Variants in PRIM2 observed in about 807,000 individuals in gnomAD.
PRIM2 encodes the protein DNA primase subunit 2, also known as DNA primase large subunit.
A neutral mutation model predicts 67.3 loss-of-function variants in PRIM2; 39 were observed. That is an observed-to-expected ratio of 0.58 (90% confidence interval 0.45 to 0.76). The LOEUF is 0.76. Among genes scored for constraint, PRIM2 ranks in the 30% least tolerant of loss-of-function variants. The pLI is 0.00. For missense variants in PRIM2, 398 were observed against 598.7 expected, an observed-to-expected ratio of 0.66 and a Z score of 3.50; for synonymous variants, 143 against 198.7, an observed-to-expected ratio of 0.72 and a Z score of 2.36.
intron 10 of PRIM2, among the ~76,000 whole-genome samples, chr6:57,569,158 C>T (rs1453018779): frequency 6.6e-6 from 1 of 152,156 alleles, no homozygotes; most frequent in African/African-American, 2.4e-5. Flanking sequence ...CTTATGCTCT[C>T]ATTTTTATAT....
intron 5 of PRIM2, among the ~76,000 whole-genome samples, chr6:57,338,318 A>G (rs919813587): frequency 8.4e-4 from 128 of 152,336 alleles, no homozygotes; most frequent in African/African-American, 3.0e-3. Flanking sequence ...AAACTAGTCC[A>G]ATGAATAGAA....
intron 8 of PRIM2, among the ~76,000 whole-genome samples, chr6:57,519,447 T>C (rs1230178236): frequency 2.0e-5 from 3 of 152,240 alleles, no homozygotes; most frequent in Non-Finnish European, 4.4e-5. Flanking sequence ...ATTCTCTTTC[T>C]CAGGGATGTT....
chr6:57,337,002 A>G (rs1430718065), intron 5 of PRIM2, among the ~76,000 whole-genome samples: 2 of 152,128 alleles, frequency 1.3e-5, no homozygotes, highest in East Asian at 1.9e-4. Flanking sequence ...TCAAAATAAA[A>G]GGATGGAGGA....
At chr6:57,251,215 T>G in the PRIM2 span, among the ~76,000 whole-genome samples, 1 of 152,228 alleles carries the variant, frequency 6.6e-6, no homozygotes, top group African/African-American at 2.4e-5. Context: ...ACAGATCATA[T>G]AGACAAGATT....
chr6:57,259,988 T>G, the PRIM2 span, among the ~76,000 whole-genome samples: 18 of 152,330 alleles, frequency 1.2e-4, no homozygotes, highest in Non-Finnish European at 2.6e-4. Flanking sequence ...AGGCCTGGGT[T>G]GCAATTAAAT....
chr6:57,297,781 C>G, the PRIM2 span, among the ~76,000 whole-genome samples: 2 of 152,142 alleles, frequency 1.3e-5, no homozygotes, highest in Non-Finnish European at 2.9e-5. Flanking sequence ...CAAAAATGCA[C>G]AGTCTGAATT....
At chr6:57,351,212 A>G (rs565195256) in intron 5 of PRIM2, among the ~76,000 whole-genome samples, 2 of 152,042 alleles carry the variant, frequency 1.3e-5, no homozygotes, top group African/African-American at 2.4e-5. Flanking sequence ...TGGAAAGTTT[A>G]TCTTATACAC....
chr6:57,322,456 A>T (rs1767692643), intron 3 of PRIM2, among the ~76,000 whole-genome samples: 1 of 152,148 alleles, frequency 6.6e-6, no homozygotes, highest in Non-Finnish European at 1.5e-5. Flanking sequence ...TAATTGAATC[A>T]TGGGGGTGGT....
intron 10 of PRIM2, among the ~76,000 whole-genome samples, chr6:57,593,404 G>A (rs1350999184): frequency 1.3e-5 from 2 of 151,944 alleles, no homozygotes; most frequent in African/African-American, 4.8e-5. Flanking sequence ...CCGGGTTCAA[G>A]TGACTCTCTT....
chr6:57,362,750 G>A (rs1306289923), intron 5 of PRIM2, among the ~76,000 whole-genome samples: 2 of 151,838 alleles, frequency 1.3e-5, no homozygotes, highest in African/African-American at 4.8e-5. Flanking sequence ...CTTTAATTGT[G>A]CACCAAAAGG....
chr6:57,320,333 A>G (rs1459283707), intron 2 of PRIM2, 124 bp from the exon 3 acceptor site: 3 of 607,820 alleles, frequency 4.9e-6, no homozygotes, highest in Non-Finnish European at 8.5e-6. Flanking sequence ...GTTACAGGAA[A>G]TAAACTGGCA....
At chr6:57,614,530 G>T (rs1390688043) in intron 12 of PRIM2, among the ~76,000 whole-genome samples, 6 of 152,162 alleles carry the variant, frequency 3.9e-5, no homozygotes, top group African/African-American at 1.4e-4. Context: ...TTTCTTATTG[G>T]CACCTCAGCT....
chr6:57,503,521 G>A (rs1554347068), intron 7 of PRIM2, among the ~76,000 whole-genome samples: 1 of 152,146 alleles, frequency 6.6e-6, no homozygotes, highest in Non-Finnish European at 1.5e-5. Flanking sequence ...GGCCAAGGCG[G>A]GTGGATCACT....
In PRIM2 at chr6:57,499,608, A is replaced by G. The variant is rs1774086755; in HGVS notation, c.694-7779A>G. ...GGTCCTTCAGTCATACTTCTGCACA[A>G]CTGTCCATAAAAAACACACGTTTCC... On this transcript the variant is annotated intron_variant, in intron 7 of 13. Coordinates refer to ENST00000615550, the MANE Select transcript of PRIM2 (RefSeq NM_000947.5). Among the ~76,000 whole-genome samples, 4 of 152,146 alleles carry G rather than the reference A, an allele frequency of 2.6e-5. No individual in the cohort carries two copies. In the South Asian group the frequency reaches 8.3e-4, roughly 32 times the overall value.
At chr6:57,454,391 A>G (rs1772680060) in intron 7 of PRIM2, among the ~76,000 whole-genome samples, 3 of 152,178 alleles carry the variant, frequency 2.0e-5, no homozygotes, top group Admixed American at 6.5e-5. Flanking sequence ...CCTCTGGTAG[A>G]ATTCGGCTGT....
chr6:57,425,303 T>C (rs1771586257), intron 7 of PRIM2, among the ~76,000 whole-genome samples: 1 of 152,170 alleles, frequency 6.6e-6, no homozygotes, highest in Admixed American at 6.5e-5. Flanking sequence ...AGTGGCGCGA[T>C]CTTGGCTCAC....
chr6:57,234,610 G>A, the PRIM2 span, among the ~76,000 whole-genome samples: 6 of 149,198 alleles, frequency 4.0e-5, no homozygotes, highest in Admixed American at 2.0e-4. Context: ...TGCAACCTCC[G>A]CCTCCCAGGT....
intron 7 of PRIM2, among the ~76,000 whole-genome samples, chr6:57,487,390 G>C (rs1351341430): frequency 6.6e-6 from 1 of 152,032 alleles, no homozygotes; most frequent in African/African-American, 2.4e-5. Context: ...CGCCATGCCT[G>C]GCTAATTTTT....
chr6:57,352,009 T>C (rs1007567863), intron 5 of PRIM2, among the ~76,000 whole-genome samples: 50 of 152,192 alleles, frequency 3.3e-4, no homozygotes, highest in African/African-American at 1.2e-3. Flanking sequence ...GAATCATCTA[T>C]GTAAATTGCA....
Sources: allele counts gnomAD v4.1 joint callset (sites outside exome capture counted in the v4.1 genomes callset), GRCh38; gene constraint gnomAD v4.1.1; transcripts MANE v1.5; gene names NCBI Gene and HGNC (gene_info 2026-07-23, HGNC 2026-07-21).